ARHGAP29: variants seen among roughly 807,000 people sequenced by gnomAD.
ARHGAP29 encodes the protein rho GTPase-activating protein 29.
In ARHGAP29, 43 loss-of-function variants were observed where a neutral mutation model predicts 122.6. The observed-to-expected ratio is 0.35, with a 90% CI of 0.27 to 0.45. ARHGAP29 has a LOEUF of 0.45. Ranked by LOEUF, ARHGAP29 falls within the 20% of genes least tolerant of loss-of-function variation. The pLI, the probability that ARHGAP29 is intolerant of heterozygous loss-of-function variation, is 1.00. For missense variants in ARHGAP29, 1,303 were observed against 1,477.2 expected (o/e 0.88, Z 1.93); for synonymous variants, 506 against 497.1 (o/e 1.02, Z -0.24).
intron 2 of ARHGAP29, among the ~76,000 whole-genome samples, chr1:94,224,072 G>A (rs1652480617): frequency 6.6e-6 from 1 of 152,188 alleles, no homozygotes; most frequent in African/African-American, 2.4e-5. Context: ...GCCTCCCAAA[G>A]TGCTGGGATT....
Position 94,185,415 on chromosome 1 carries a change from C to A in ARHGAP29, c.1847G>T (p.Arg616Leu). ...ACATTTCGTGGGGGATCTCAATTTG[C>A]GAAACTTGTGTGTGAGAGCTGCCTT... ...MSKAALTHKFRKLRSPTKCRD... is the reference protein window; with the variant it reads ...MSKAALTHKFLKLRSPTKCRD... Residue 616 changes from arginine to leucine, a missense_variant, in exon 17 of 23, where the codon CGC (arginine) becomes CTC (leucine). Around this residue, in one of 3 missense-constraint regions of ARHGAP29, gnomAD observed 91 missense variants for 177.8 expected, o/e 0.51. Transcript: ENST00000260526. 4 of 1,612,280 alleles carry A rather than the reference C, an allele frequency of 2.5e-6. No individual in the cohort carries two copies. The highest frequency in any genetic ancestry group is 3.4e-6 in the Non-Finnish European group (4 of 1,179,114).
At chr1:94,288,185 A>G in the ARHGAP29 span, among the ~76,000 whole-genome samples, 3 of 152,070 alleles carry the variant, frequency 2.0e-5, 1 homozygote, top group East Asian at 5.8e-4. Flanking sequence ...TAATGATCGC[A>G]TTTCTAACTG....
intron 15 of ARHGAP29, among the ~76,000 whole-genome samples, 168 bp downstream of exon 15, chr1:94,188,669 C>G (rs1411703): frequency 0.97 from 148,171 of 152,180 alleles, 72,278 homozygotes; most frequent in Middle Eastern, 1. Context: ...CTATTCTTAG[C>G]CTGGGTGGCG....
chr1:94,237,418 G>T lies in ARHGAP29; in HGVS notation c.-36C>A, dbSNP rs917473167. Reference sequence around the variant, plus strand: ...AGCGCCACCTCCTCACACTCACCACGGCGCTCCATCTCGCGTGCCGGACGC... The same window carrying T: ...AGCGCCACCTCCTCACACTCACCACTGCGCTCCATCTCGCGTGCCGGACGC... On this transcript the variant is annotated 5_prime_UTR_variant, in exon 1 of 23. Transcript: ENST00000260526. The T allele has an allele frequency of 6.2e-5, 61 of 986,556 alleles. No individual in the cohort carries two copies. The highest frequency in any genetic ancestry group is 7.1e-5 in the Non-Finnish European group (59 of 830,694). The allele number at this position is 986,556 out of a possible 1,614,324, so 61.1% of individuals were successfully genotyped here.
chr1:94,240,842 G>C (rs1653546271), upstream of ARHGAP29, among the ~76,000 whole-genome samples: 1 of 152,150 alleles, frequency 6.6e-6, no homozygotes, highest in South Asian at 2.1e-4. Flanking sequence ...GCACAGATTA[G>C]TATTCTTTCT....
rs372858305 is a variant in ARHGAP29 at position 94,173,961 on chromosome 1, A to G, written c.3694T>C (p.Leu1232=). The change falls in exon 23 of 23, where the codon TTG becomes CTG. Residue 1232 remains leucine (L), a synonymous_variant. Transcript: ENST00000260526. ...QPKEDSEELG[L]PDVNPMCQRP... Reference sequence around the variant, plus strand: ...TGACACATTGGATTCACATCAGGCAAGCCAAGCTCCTCAGAGTCTTCTTTA... The same window carrying G: ...TGACACATTGGATTCACATCAGGCAGGCCAAGCTCCTCAGAGTCTTCTTTA... 4.2e-5 allele frequency: 68 copies of G among 1,614,094 alleles called. 1 individual carries two copies. The highest frequency in any genetic ancestry group is 5.5e-5 in the South Asian group (5 of 91,086).
At chr1:94,188,767 G>C (rs1649959355) in intron 15 of ARHGAP29, 70 bp downstream of exon 15, 1 of 1,270,616 alleles carries the variant, frequency 7.9e-7, no homozygotes, top group Non-Finnish European at 1.1e-6. Flanking sequence ...AAACAAGGTA[G>C]TTAAAAAATA....
Position 94,174,143 on chromosome 1 carries a change from G to A in ARHGAP29, c.3512C>T (p.Ala1171Val). Residue 1171 changes from alanine to valine, a missense_variant, in exon 23 of 23, where the codon GCT becomes GTT. Ala to Val is a moderately conservative substitution (Grantham distance 64, BLOSUM62 0). Around this residue, in one of 3 missense-constraint regions of ARHGAP29, gnomAD observed 620 missense variants for 651.2 expected, o/e 0.95. Coordinates refer to ENST00000260526, the MANE Select transcript of ARHGAP29 (RefSeq NM_004815.4). ...QHWTTFYKPH[A>V]PIISIRGNEE... ...ATTCCCCCTGATACTGATGATGGGAGCATGTGGTTTATAAAATGTTGTCCA... is the reference window on the plus strand; with the variant it reads ...ATTCCCCCTGATACTGATGATGGGAACATGTGGTTTATAAAATGTTGTCCA... The A allele has an allele frequency of 1.2e-6, 2 of 1,614,196 alleles. No homozygotes were observed. Among genetic ancestry groups the A allele is most frequent in the Non-Finnish European group, 1.7e-6 (2 of 1,180,034 alleles).
chr1:94,189,267 T>C lies in ARHGAP29; in HGVS notation c.1525A>G (p.Ser509Gly). The C allele has an allele frequency of 6.2e-7, 1 of 1,613,228 alleles. No homozygotes were observed. The highest frequency in any genetic ancestry group is 8.5e-7 in the Non-Finnish European group (1 of 1,179,514). ...SLEDVVRLPD[S>G]SNKIEEDRCS... ...CTGTCCTCTTCAATTTTATTAGAACTGTCAGGAAGGCGTACAACATCCTCT... is the reference window on the plus strand; with the variant it reads ...CTGTCCTCTTCAATTTTATTAGAACCGTCAGGAAGGCGTACAACATCCTCT... Residue 509 changes from serine to glycine, a missense_variant, in exon 14 of 23, where the codon AGT becomes GGT. Around this residue, in one of 3 missense-constraint regions of ARHGAP29, gnomAD observed 592 missense variants for 648.2 expected, o/e 0.91. Transcript: ENST00000260526.
intron 20 of ARHGAP29, among the ~76,000 whole-genome samples, chr1:94,178,522 T>C (rs1469947380): frequency 1.3e-5 from 2 of 152,252 alleles, no homozygotes; most frequent in African/African-American, 2.4e-5. Context: ...TCACTACCCA[T>C]CTCCAAGTCT....
In ARHGAP29 at chr1:94,177,785, A is replaced by G. The variant is rs1469639375; in HGVS notation, c.2797-65T>C. On this transcript the variant is annotated intron_variant, in intron 21 of 22. Transcript: ENST00000260526. ...ACATAACCTCAAAATAAACAGTTCA[A>G]AGATCTTTAACTTATTAACATAAAT... 1.9e-6 allele frequency: 3 copies of G among 1,559,708 alleles called. No homozygotes were observed. In the East Asian group the frequency reaches 6.8e-5, roughly 35 times the overall value.
chr1:94,203,871 A>C, intron 8 of ARHGAP29, 59 bp downstream of exon 8: 1 of 1,461,292 alleles, frequency 6.8e-7, no homozygotes, highest in Non-Finnish European at 9.5e-7. Flanking sequence ...TTTGCAAATT[A>C]TTGGGAGTTC....
chr1:94,220,450 A>G (rs1652229745), intron 2 of ARHGAP29, 58 bp from the exon 3 acceptor site: 1 of 1,427,770 alleles, frequency 7.0e-7, no homozygotes. Flanking sequence ...AATCTAAACT[A>G]CAAAACGTCA....
intron 19 of ARHGAP29, among the ~76,000 whole-genome samples, chr1:94,180,883 GGCT>G (rs1215607904): frequency 6.6e-5 from 10 of 152,124 alleles, no homozygotes; most frequent in Admixed American, 3.9e-4. Context: ...CTCCTTGCCT[GGCT>G]AGAAGAAATA....
chr1:94,305,825 A>G, the ARHGAP29 span, among the ~76,000 whole-genome samples: 14 of 152,216 alleles, frequency 9.2e-5, no homozygotes, highest in African/African-American at 3.4e-4. Flanking sequence ...GTTTATTTTC[A>G]CTGTCTTACC....
chr1:94,235,933 T>G (rs1377502473), intron 1 of ARHGAP29, among the ~76,000 whole-genome samples: 2 of 152,224 alleles, frequency 1.3e-5, no homozygotes, highest in Non-Finnish European at 2.9e-5. Flanking sequence ...AGTTTCATTT[T>G]AGGCTCTCTA....
At chr1:94,297,072 A>C in the ARHGAP29 span, among the ~76,000 whole-genome samples, 1 of 152,084 alleles carries the variant, frequency 6.6e-6, no homozygotes, top group Admixed American at 6.6e-5. Context: ...TGCAGTGGAG[A>C]GGGAAGTCTT....
intron 1 of ARHGAP29, among the ~76,000 whole-genome samples, chr1:94,236,778 C>CA (rs1183611084): frequency 6.6e-6 from 1 of 151,904 alleles, no homozygotes; most frequent in Non-Finnish European, 1.5e-5. Context: ...CAACGAAACC[C>CA]AAAAAACACA....
the ARHGAP29 span, among the ~76,000 whole-genome samples, chr1:94,295,798 T>TGTGGAATCTTCTAATTCCACAG: frequency 9.6e-5 from 1 of 10,470 alleles, no homozygotes; most frequent in Non-Finnish European, 3.3e-4. Flanking sequence ...TAATTCCACA[T>TGTGGAATCTTCTAATTCCACAG]TGGGGTATTT....
Sources: allele counts gnomAD v4.1 joint callset (sites outside exome capture counted in the v4.1 genomes callset), GRCh38; gene constraint gnomAD v4.1.1; regional missense constraint gnomAD v4.1.1; transcripts MANE v1.5; gene names NCBI Gene and HGNC (gene_info 2026-07-23, HGNC 2026-07-21).